The following HTT variants were observed in gnomAD, a reference collection of about 807,000 sequenced individuals.
HTT encodes huntingtin, also known as huntington disease protein.
A neutral mutation model predicts 362.3 loss-of-function variants in HTT; 104 were observed. The observed-to-expected ratio is 0.29, with a 90% CI of 0.24 to 0.34. HTT has a LOEUF of 0.34. Ranked by LOEUF, HTT falls within the 10% of genes least tolerant of loss-of-function variation. The pLI is 1.00. For synonymous variants in HTT, 1,577 were observed against 1,548.7 expected (o/e 1.02, Z -0.43); for missense variants, 3,301 against 3,928.6 (o/e 0.84, Z 4.27).
Position 3,115,457 on chromosome 4 carries a change from G to A in HTT, c.889+12G>A. 1 of 1,601,528 alleles carries A rather than the reference G, an allele frequency of 6.2e-7. No individual in the cohort carries two copies. The highest frequency in any genetic ancestry group is 1.1e-5 in the South Asian group (1 of 90,678). ...AAATGTGCTCTTAGGTAAGGTGGAG[G>A]CATATGAGTGGAAGAGTCTCCAGCA... On this transcript the variant is annotated intron_variant, in intron 7 of 66. Coordinates refer to ENST00000355072, the MANE Select transcript of HTT (RefSeq NM_001388492.1).
At chr4:3,175,508 A>G (rs1002121064) in intron 33 of HTT, among the ~76,000 whole-genome samples, 2 of 152,212 alleles carry the variant, frequency 1.3e-5, no homozygotes, top group African/African-American at 4.8e-5. Context: ...GATCATCTGC[A>G]GTTTCAAGCT....
rs547658268 is a variant in HTT at position 3,157,356 on chromosome 4, T to C, written c.3753+157T>C. Among the ~76,000 whole-genome samples the C allele has an allele frequency of 5.9e-5, 9 of 152,376 alleles. No individual in the cohort carries two copies. The South Asian group carries it at 1.7e-3, about 28-fold the overall frequency. On this transcript the variant is annotated intron_variant, in intron 28 of 66. Coordinates refer to ENST00000355072, the MANE Select transcript of HTT (RefSeq NM_001388492.1). The stretch of plus-strand genomic sequence containing the variant: ...TTTGTTTGTCTTTCAGCTTTGTTTA[T>C]GATAGCTTCTATCATACAGGTGTTT...
At chr4:3,151,642 C>T (rs1716899180) in intron 26 of HTT, among the ~76,000 whole-genome samples, 1 of 152,090 alleles carries the variant, frequency 6.6e-6, no homozygotes, top group African/African-American at 2.4e-5. Context: ...GTTGCATGCT[C>T]CTTATGAGAA....
At chr4:3,122,398 C>T (rs1193371829) in intron 9 of HTT, among the ~76,000 whole-genome samples, 1 of 152,230 alleles carries the variant, frequency 6.6e-6, no homozygotes, top group South Asian at 2.1e-4. Context: ...TACTCACAGC[C>T]TCCACATTAG....
In HTT at chr4:3,075,077, G is replaced by T. The variant is rs1450594648; in HGVS notation, c.252G>T (p.Pro84=). The T allele has an allele frequency of 8.1e-6, 10 of 1,237,318 alleles. No homozygotes were observed. The African/African-American group carries it at 1.4e-4, about 17-fold the overall frequency. 76.6% of individuals were successfully genotyped at this position (1,237,318 alleles called of 1,614,324 possible). A position where few individuals can be genotyped will look rare whatever the true frequency, so the allele number is the denominator to read the frequency against. ...CCGGCCCGGCTGTGGCTGAGGAGCC[G>T]CTGCACCGACCGTGAGTTTGGGCCC... The part of the protein sequence containing the change: ...PPPGPAVAEE[P]LHRPKKELSA... The change falls in exon 1 of 67, where the codon CCG becomes CCT. Residue 84 remains proline, a synonymous_variant. Coordinates refer to ENST00000355072, the MANE Select transcript of HTT (RefSeq NM_001388492.1).
chr4:3,127,705 T>C (rs1715588771), intron 12 of HTT, 101 bp downstream of exon 12: 2 of 844,810 alleles, frequency 2.4e-6, no homozygotes, highest in Non-Finnish European at 3.7e-6. Context: ...GGCTCATGCC[T>C]GTAATCCCAG....
intron 23 of HTT, among the ~76,000 whole-genome samples, chr4:3,144,681 G>C (rs879608202): frequency 2.6e-5 from 4 of 152,212 alleles, no homozygotes; most frequent in Admixed American, 6.5e-5. Context: ...TATTGTTTGG[G>C]CTGTCTGCAG....
At chr4:3,086,908 A>T in intron 1 of HTT, 31 bp from the exon 2 acceptor site, 2 of 1,277,988 alleles carry the variant, frequency 1.6e-6, no homozygotes, top group Non-Finnish European at 2.3e-6. Context: ...AATTCAACAC[A>T]TATTAATTTC....
chr4:3,201,118 G>C (rs1719511908), intron 41 of HTT, among the ~76,000 whole-genome samples: 1 of 152,236 alleles, frequency 6.6e-6, no homozygotes, highest in African/African-American at 2.4e-5. Flanking sequence ...AGCCCTCTGA[G>C]GGCAAACTAC....
At chr4:3,166,290 C>G (rs891271491) in intron 29 of HTT, among the ~76,000 whole-genome samples, 1 of 152,200 alleles carries the variant, frequency 6.6e-6, no homozygotes, top group African/African-American at 2.4e-5. Context: ...CTGGAAACAT[C>G]GTCCCAGAGC....
chr4:3,130,638 GC>G, intron 14 of HTT, among the ~76,000 whole-genome samples: 1 of 152,180 alleles, frequency 6.6e-6, no homozygotes, highest in Non-Finnish European at 1.5e-5. Context: ...TTGAGAGTGT[GC>G]CCCAGACAAA....
chr4:3,104,859 G>T (rs970747833), intron 4 of HTT, among the ~76,000 whole-genome samples: 3 of 152,128 alleles, frequency 2.0e-5, no homozygotes, highest in African/African-American at 7.2e-5. Context: ...AGCTGAGATT[G>T]TGCCACTGCC....
chr4:3,114,671 T>C (rs1714932597), intron 6 of HTT, among the ~76,000 whole-genome samples: 1 of 152,240 alleles, frequency 6.6e-6, no homozygotes, highest in South Asian at 2.1e-4. Flanking sequence ...GTCACCAAGA[T>C]AATGCGACTA....
At chr4:3,195,878 T>C (rs1053929749) in intron 40 of HTT, among the ~76,000 whole-genome samples, 13 of 152,168 alleles carry the variant, frequency 8.5e-5, no homozygotes, top group Non-Finnish European at 2.9e-5. Flanking sequence ...GAAGGCTTTG[T>C]GGCCTTGGAT....
At chr4:3,213,241 C>T (rs969425184) in intron 49 of HTT, among the ~76,000 whole-genome samples, 12 of 152,186 alleles carry the variant, frequency 7.9e-5, no homozygotes, top group South Asian at 4.1e-4. Flanking sequence ...GGCATCAGTG[C>T]CATTACTCAC....
At chr4:3,219,151 C>T (rs1025704250) in intron 52 of HTT, among the ~76,000 whole-genome samples, 1 of 152,198 alleles carries the variant, frequency 6.6e-6, no homozygotes, top group Non-Finnish European at 1.5e-5. Flanking sequence ...AAGAGAGCAG[C>T]AGGGGTGCTG....
chr4:3,078,741 T>C (rs1338329288), intron 1 of HTT, among the ~76,000 whole-genome samples: 2 of 151,014 alleles, frequency 1.3e-5, no homozygotes, highest in Admixed American at 1.3e-4. Context: ...GGTAATTTTT[T>C]TTTTTTCCCC....
At chr4:3,187,302 C>T (rs913831662) in intron 38 of HTT, among the ~76,000 whole-genome samples, 3 of 151,878 alleles carry the variant, frequency 2.0e-5, no homozygotes, top group African/African-American at 7.3e-5. Flanking sequence ...ACTACAGGTG[C>T]GTGCCACTGT....
Position 3,157,091 on chromosome 4 carries a change from C to T in HTT, c.3645C>T (p.Thr1215=). ...EASAASRQSD[T]SGPVTTSKSS... ...TTAAAGCTTCTAGACAATCTGATAC[C>T]TCAGGTCCTGTTACAACAAGTAAAT... Residue 1215 remains threonine (T), a synonymous_variant, in exon 28 of 67, where the codon ACC becomes ACT. Coordinates refer to ENST00000355072, the MANE Select transcript of HTT (RefSeq NM_001388492.1). 6.2e-7 allele frequency: 1 copy of T among 1,611,384 alleles called. No homozygotes were observed. Among genetic ancestry groups the T allele is most frequent in the Non-Finnish European group, 8.5e-7 (1 of 1,178,958 alleles).
Sources: gnomAD v4.1 joint callset for allele counts (sites outside exome capture counted in the v4.1 genomes callset) on GRCh38, gnomAD v4.1.1 for gene constraint, MANE v1.5 for transcripts, NCBI Gene and HGNC (gene_info 2026-07-23, HGNC 2026-07-21) for gene names.